The following SOX5 variants were observed in gnomAD, a reference collection of about 807,000 sequenced individuals.
The protein encoded by SOX5 is transcription factor SOX-5.
Under a neutral mutation model 92.0 loss-of-function variants are expected in SOX5, and 9 were observed. The ratio of observed to expected loss-of-function variants is 0.10; its 90% confidence interval spans 0.06 to 0.17. The LOEUF is 0.17. Ranked by LOEUF, SOX5 falls within the 10% of genes least tolerant of loss-of-function variation. The probability of loss-of-function intolerance (pLI) is 1.00; values close to 1 mark genes in which losing one functional copy is unlikely to be tolerated. For synonymous variants in SOX5, 344 were observed against 336.3 expected, an observed-to-expected ratio of 1.02 and a Z score of -0.25; for missense variants, 642 against 944.5, an observed-to-expected ratio of 0.68 and a Z score of 4.20.
rs150013978 is a variant in SOX5 at position 24,461,952 on chromosome 12, C to A, written c.-250-93313G>T. Among the ~76,000 whole-genome samples, 399 of 152,296 alleles carry A rather than the reference C, an allele frequency of 2.6e-3. 11 individuals are homozygous for A. Among genetic ancestry groups the A allele is most frequent in the Admixed American group, 0.022 (333 of 15,306 alleles). On this transcript the variant is annotated intron_variant, in intron 1 of 4. Coordinates refer to the SOX5 transcript ENST00000446891. ...GCACTTTGGGTTACATCATTTACCT[C>A]CGTCTTCCCAATATTCTCCACCGCA... is the stretch of plus-strand genomic sequence containing the variant.
intron 4 of SOX5, among the ~76,000 whole-genome samples, chr12:24,035,069 G>A (rs115186201): frequency 3.3e-3 from 503 of 152,094 alleles, no homozygotes; most frequent in African/African-American, 0.011. Context: ...TTACTTCTTT[G>A]CAATGCTTTT....
chr12:23,946,759 G>A (rs1362192437), intron 1 of SOX5, among the ~76,000 whole-genome samples: 3 of 151,846 alleles, frequency 2.0e-5, no homozygotes, highest in Non-Finnish European at 4.4e-5. Flanking sequence ...TAATTTTTTA[G>A]AATATATACA....
rs546155731 is a variant in SOX5, at chr12:24,355,396, C to T, written c.-174+13167G>A. ...AATTTCGGCTCACTGTAAGCTCCGC[C>T]TCCCAGGTTCACACCATTCTCCTGC... On this transcript the variant is annotated intron_variant, in intron 2 of 4. Coordinates refer to the SOX5 transcript ENST00000446891. Among the ~76,000 whole-genome samples the T allele has an allele frequency of 2.8e-3, 414 of 148,012 alleles. 5 individuals carry two copies. The highest frequency in any genetic ancestry group is 1.0e-2 in the African/African-American group (394 of 39,564).
rs2094359277 is a variant in SOX5 at position 23,756,006 on chromosome 12, C to A, written c.482-282G>T. Among the ~76,000 whole-genome samples, 4 of 151,852 alleles carry A rather than the reference C, an allele frequency of 2.6e-5. No individual in the cohort carries two copies. The South Asian group carries it at 6.2e-4, about 24-fold the overall frequency. ...GTTCATTGTTTTTCAATTTAGTGAA[C>A]AAATTCTTGCTATAATGGATGCTTG... On this transcript the variant is annotated intron_variant, in intron 3 of 14. Coordinates refer to ENST00000451604, the MANE Select transcript of SOX5 (RefSeq NM_006940.6).
At chr12:23,896,566 A>G (rs891907852) in intron 1 of SOX5, among the ~76,000 whole-genome samples, 4 of 152,178 alleles carry the variant, frequency 2.6e-5, no homozygotes. Flanking sequence ...CAACTGACAG[A>G]AAGTTTAATA....
intron 2 of SOX5, among the ~76,000 whole-genome samples, chr12:24,338,201 T>C (rs770212103): frequency 5.0e-4 from 76 of 152,188 alleles, no homozygotes; most frequent in Non-Finnish European, 8.7e-4. Flanking sequence ...AAATTTATTT[T>C]ATAGCTATCA....
intron 4 of SOX5, among the ~76,000 whole-genome samples, chr12:24,082,236 T>C (rs1418229782): frequency 6.6e-6 from 1 of 151,670 alleles, no homozygotes; most frequent in Non-Finnish European, 1.5e-5. Context: ...CCTTGTCTTA[T>C]TGTTTAGTGT....
At chr12:24,407,848 A>G (rs1278347865) in intron 1 of SOX5, among the ~76,000 whole-genome samples, 1 of 152,220 alleles carries the variant, frequency 6.6e-6, no homozygotes, top group Admixed American at 6.5e-5. Context: ...ACGTATAGAA[A>G]AGAGGAAACG....
At chr12:24,285,450 C>T (rs1018699984) in intron 2 of SOX5, among the ~76,000 whole-genome samples, 8 of 152,042 alleles carry the variant, frequency 5.3e-5, no homozygotes, top group African/African-American at 1.9e-4. Context: ...TATTCTATAC[C>T]TTTTGTTGAT....
intron 1 of SOX5, among the ~76,000 whole-genome samples, chr12:24,461,287 G>C: frequency 1.3e-5 from 2 of 152,028 alleles, no homozygotes; most frequent in East Asian, 3.9e-4. Flanking sequence ...TGGCCACTAC[G>C]ATTCTAGTTT....
At chr12:24,281,042 A>G (rs1175161891) in intron 2 of SOX5, among the ~76,000 whole-genome samples, 3 of 151,620 alleles carry the variant, frequency 2.0e-5, no homozygotes, top group Non-Finnish European at 2.9e-5. Flanking sequence ...AATTAAGGAA[A>G]GAACTTTTCT....
At chr12:23,711,036 T>C (rs2092000338) in intron 6 of SOX5, among the ~76,000 whole-genome samples, 2 of 152,126 alleles carry the variant, frequency 1.3e-5, no homozygotes, top group Admixed American at 6.5e-5. Context: ...AGGAGTGCCT[T>C]GAAATTAGAA....
chr12:23,833,502 G>A (rs2096364733), intron 3 of SOX5, among the ~76,000 whole-genome samples: 1 of 151,838 alleles, frequency 6.6e-6, no homozygotes. Context: ...CAATTGAAGA[G>A]AATTATTATC....
chr12:24,206,714 G>T (rs1958055165), intron 4 of SOX5, among the ~76,000 whole-genome samples: 1 of 152,156 alleles, frequency 6.6e-6, no homozygotes, highest in Non-Finnish European at 1.5e-5. Context: ...GCCTCCATCA[G>T]CACCTGATCT....
chr12:24,144,382 T>C (rs111933514), intron 4 of SOX5, among the ~76,000 whole-genome samples: 2,051 of 152,300 alleles, frequency 0.013, 52 homozygotes, highest in African/African-American at 0.047. Flanking sequence ...CCAGAAATGG[T>C]AACCACATGG....
chr12:24,267,505 G>A (rs1943170106), intron 3 of SOX5, among the ~76,000 whole-genome samples: 1 of 152,040 alleles, frequency 6.6e-6, no homozygotes, highest in Non-Finnish European at 1.5e-5. Context: ...CCTCACTTAT[G>A]TATGCAAAAT....
chr12:23,877,247 G>A (rs746918883), intron 2 of SOX5, among the ~76,000 whole-genome samples: 2 of 151,942 alleles, frequency 1.3e-5, no homozygotes, highest in Non-Finnish European at 2.9e-5. Flanking sequence ...TTGGAGGAGA[G>A]TTTGGTATTG....
At chr12:24,551,503 C>CT (rs1953162480) in intron 1 of SOX5, among the ~76,000 whole-genome samples, 1 of 152,170 alleles carries the variant, frequency 6.6e-6, no homozygotes, top group South Asian at 2.1e-4. Context: ...AACGTAAATG[C>CT]TTTTTTCCCC....
At chr12:24,156,983 T>C (rs558985034) in intron 4 of SOX5, among the ~76,000 whole-genome samples, 1 of 152,238 alleles carries the variant, frequency 6.6e-6, no homozygotes, top group Admixed American at 6.5e-5. Flanking sequence ...TTTATGTTTG[T>C]CCATGATGAT....
Sources: gnomAD v4.1 joint callset for allele counts (sites outside exome capture counted in the v4.1 genomes callset) on GRCh38, gnomAD v4.1.1 for gene constraint, MANE v1.5 for transcripts, NCBI Gene and HGNC (gene_info 2026-07-23, HGNC 2026-07-21) for gene names.